Variants in SMCO4 observed in about 807,000 individuals in gnomAD.
SMCO4 encodes the protein single-pass membrane protein with coiled-coil domains 4.
In SMCO4, 4 loss-of-function variants were observed where a neutral mutation model predicts 3.6. The observed-to-expected ratio is 1.11, with a 90% CI of 0.54 to 2.53. SMCO4 has a LOEUF of 2.53. Among genes scored for constraint, SMCO4 ranks in the 30% most tolerant of loss-of-function variants. The pLI is 0.02. For missense variants in SMCO4, 70 were observed against 80.8 expected (o/e 0.87, Z 0.51); for synonymous variants, 36 against 35.3 (o/e 1.02, Z -0.07).
chr11:93,481,543 A>G (rs1293163075), intron 2 of SMCO4: 9 of 984,458 alleles, frequency 9.1e-6, no homozygotes, highest in South Asian at 4.7e-5. Context: ...ACACACCCCA[A>G]CGGCCCTGTG....
rs919236842 is a variant in SMCO4 at position 93,495,895 on chromosome 11, C to T, written c.-81+3381G>A. Among the ~76,000 whole-genome samples the T allele has an allele frequency of 3.9e-5, 6 of 152,040 alleles. No homozygotes were observed. In the East Asian group the frequency reaches 7.7e-4, roughly 20 times the overall value. Reference sequence around the variant, plus strand: ...TTTGAGAGCCTGAGTTATTTTATTGCGTTTGGAAAATTGAAGTCACTGCAA... The same window carrying T: ...TTTGAGAGCCTGAGTTATTTTATTGTGTTTGGAAAATTGAAGTCACTGCAA... On this transcript the variant is annotated intron_variant, in intron 2 of 2. Coordinates refer to ENST00000298966, the MANE Select transcript of SMCO4 (RefSeq NM_020179.3).
chr11:93,517,320 G>GA lies in SMCO4; in HGVS notation c.-153-17973_-153-17972insT, dbSNP rs1555077960. Among the ~76,000 whole-genome samples, 3 of 152,220 alleles carry GA rather than the reference G, an allele frequency of 2.0e-5. No homozygotes were observed. In the East Asian group the frequency reaches 5.8e-4, roughly 29 times the overall value. The stretch of plus-strand genomic sequence containing the variant: ...CCTTACGACTGCCGTAATCCAATTG[G>GA]TTTTTTCTTCTTTAATTTAATCAAG... On this transcript the variant is annotated intron_variant, in intron 1 of 2. Transcript: ENST00000298966.
chr11:93,513,792 T>C (rs1948980178), intron 1 of SMCO4, among the ~76,000 whole-genome samples: 1 of 152,190 alleles, frequency 6.6e-6, no homozygotes, highest in Non-Finnish European at 1.5e-5. Context: ...TAGTTATTAA[T>C]AAGGAATGCA....
At chr11:93,521,907 G>T (rs914330512) in intron 1 of SMCO4, among the ~76,000 whole-genome samples, 1 of 152,182 alleles carries the variant, frequency 6.6e-6, no homozygotes, top group Non-Finnish European at 1.5e-5. Context: ...ACAGTCAGAA[G>T]TGTATTTCTA....
chr11:93,549,623 A>T, the SMCO4 span, among the ~76,000 whole-genome samples: 5 of 90,694 alleles, frequency 5.5e-5, no homozygotes, highest in East Asian at 1.7e-3. Context: ...TAATTTATTT[A>T]TTTTTTTTTT....
At chr11:93,540,155 C>T (rs898333803) in intron 1 of SMCO4, among the ~76,000 whole-genome samples, 1 of 152,068 alleles carries the variant, frequency 6.6e-6, no homozygotes, top group African/African-American at 2.4e-5. Context: ...CTAGAAGAAT[C>T]ATTGATAAGT....
intron 1 of SMCO4, among the ~76,000 whole-genome samples, chr11:93,515,330 C>T (rs938449165): frequency 4.6e-5 from 7 of 152,170 alleles, no homozygotes; most frequent in Admixed American, 6.5e-5. Flanking sequence ...AAAATAATCA[C>T]AAAATGCTAA....
chr11:93,503,642 C>T lies in SMCO4; in HGVS notation c.-153-4294G>A, dbSNP rs1161476464. On this transcript the variant is annotated intron_variant, in intron 1 of 2. Coordinates refer to ENST00000298966, the MANE Select transcript of SMCO4 (RefSeq NM_020179.3). ...GAAAGGTAGATTACACACACACAAA[C>T]ACACAGACACACACTGTGAAAACTG... Among the ~76,000 whole-genome samples the T allele has an allele frequency of 2.0e-5, 3 of 152,188 alleles. No homozygotes were observed. In the East Asian group the frequency reaches 5.8e-4, roughly 29 times the overall value.
At position 93,500,642 on chromosome 11, in the gene SMCO4, T is replaced by A. The variant is rs540315411; in HGVS notation, c.-153-1294A>T. On this transcript the variant is annotated intron_variant, in intron 1 of 2. Coordinates refer to ENST00000298966, the MANE Select transcript of SMCO4 (RefSeq NM_020179.3). ...GAGTCATGAATGCCAAGTAAAGGAGTTTGGACTTTATCAAAGCAGCATGTA... is the reference window on the plus strand; with the variant it reads ...GAGTCATGAATGCCAAGTAAAGGAGATTGGACTTTATCAAAGCAGCATGTA... 7.2e-5 allele frequency among the ~76,000 whole-genome samples: 11 copies of A among 151,858 alleles called. No homozygotes were observed. The South Asian group carries it at 2.1e-3, about 29-fold the overall frequency.
intron 1 of SMCO4, among the ~76,000 whole-genome samples, chr11:93,533,023 A>T (rs892267059): frequency 2.0e-5 from 3 of 152,224 alleles, no homozygotes; most frequent in Non-Finnish European, 4.4e-5. Flanking sequence ...GCTTAAAGGC[A>T]GGCAGGGGTG....
the SMCO4 span, among the ~76,000 whole-genome samples, chr11:93,552,152 CTTTTTTTT>C: frequency 9.2e-6 from 1 of 109,026 alleles, no homozygotes; most frequent in Non-Finnish European, 1.8e-5. Flanking sequence ...CTCATCACTA[CTTTTTTTT>C]TTTTTTTTTT....
In SMCO4 at chr11:93,481,314, C is replaced by T. The variant is rs11020376; in HGVS notation, c.-80-2045G>A. The T allele has an allele frequency of 2.1e-3, 872 of 409,604 alleles. 35 individuals are homozygous for T. In the East Asian group the frequency reaches 0.098, roughly 46 times the overall value. 25.4% of individuals were successfully genotyped at this position (409,604 alleles called of 1,614,324 possible). On this transcript the variant is annotated intron_variant, in intron 2 of 2. Coordinates refer to ENST00000298966, the MANE Select transcript of SMCO4 (RefSeq NM_020179.3). ...ATGCATCTGTACCCAGAGCTCTGCCCGCCCGCAGGGACGCGGTACAGGTGG... is the reference window on the plus strand; with the variant it reads ...ATGCATCTGTACCCAGAGCTCTGCCTGCCCGCAGGGACGCGGTACAGGTGG...
chr11:93,531,066 A>T (rs1272447520), intron 1 of SMCO4, among the ~76,000 whole-genome samples: 1 of 152,230 alleles, frequency 6.6e-6, no homozygotes, highest in Admixed American at 6.5e-5. Context: ...ACTTTTGGCC[A>T]AAGATTATTC....
intron 2 of SMCO4, among the ~76,000 whole-genome samples, chr11:93,485,363 C>T (rs1948636771): frequency 6.6e-6 from 1 of 152,214 alleles, no homozygotes; most frequent in Admixed American, 6.5e-5. Flanking sequence ...CCTGAGCCTG[C>T]CTGTGGATTC....
intron 1 of SMCO4, chr11:93,535,696 A>C: frequency 6.2e-7 from 1 of 1,613,554 alleles, no homozygotes; most frequent in Non-Finnish European, 8.5e-7. Flanking sequence ...CGAGGAAGTG[A>C]ATAAGTTTCA....
At chr11:93,551,477 A>G in the SMCO4 span, among the ~76,000 whole-genome samples, 40 of 152,326 alleles carry the variant, frequency 2.6e-4, no homozygotes, top group South Asian at 8.3e-3. Flanking sequence ...CCAGAGGTGC[A>G]GAGGCAAGAC....
chr11:93,534,375 T>TATATAGAGAGAGAGAGAG (rs369643237), intron 1 of SMCO4, among the ~76,000 whole-genome samples: 12 of 142,132 alleles, frequency 8.4e-5, no homozygotes, highest in African/African-American at 3.2e-4. Context: ...TATATATATA[T>TATATAGAGAGAGAGAGAG]AGAGAGAGAG....
chr11:93,523,734 T>C (rs1949081282), intron 1 of SMCO4, among the ~76,000 whole-genome samples: 1 of 152,244 alleles, frequency 6.6e-6, no homozygotes, highest in Admixed American at 6.5e-5. Flanking sequence ...AAAGTGTGTG[T>C]GCTAAAAGTG....
chr11:93,488,091 C>T (rs1948671488), intron 2 of SMCO4, among the ~76,000 whole-genome samples: 2 of 152,134 alleles, frequency 1.3e-5, no homozygotes, highest in Non-Finnish European at 2.9e-5. Flanking sequence ...CTGCTGGAGG[C>T]GCAGAGGCTG....
Sources: allele counts gnomAD v4.1 joint callset (sites outside exome capture counted in the v4.1 genomes callset), GRCh38; gene constraint gnomAD v4.1.1; transcripts MANE v1.5; gene names NCBI Gene and HGNC (gene_info 2026-07-23, HGNC 2026-07-21).